Variants in SCHIP1 observed in about 807,000 individuals in gnomAD.
The protein encoded by SCHIP1 is schwannomin-interacting protein 1.
In SCHIP1, 8 loss-of-function variants were observed where a neutral mutation model predicts 29.7. The observed-to-expected ratio is 0.27, with a 90% CI of 0.16 to 0.49. SCHIP1 has a LOEUF of 0.49. Among genes scored for constraint, SCHIP1 ranks in the 20% least tolerant of loss-of-function variants. The probability of loss-of-function intolerance (pLI) is 0.99; values close to 1 mark genes in which losing one functional copy is unlikely to be tolerated. For synonymous variants in SCHIP1, 76 were observed against 94.9 expected (o/e 0.80, Z 1.16); for missense variants, 193 against 294.6 (o/e 0.66, Z 2.52).
At chr3:159,427,690 A>G in the SCHIP1 span, among the ~76,000 whole-genome samples, 2 of 151,650 alleles carry the variant, frequency 1.3e-5, no homozygotes, top group African/African-American at 4.8e-5. Flanking sequence ...ATTGGAAAAA[A>G]CTACTTTAAA....
intron 1 of SCHIP1, among the ~76,000 whole-genome samples, chr3:159,857,194 C>T (rs946546857): frequency 1.2e-4 from 18 of 152,188 alleles, no homozygotes; most frequent in African/African-American, 4.3e-4. Flanking sequence ...TGGCACACCT[C>T]GGTTAGCCAG....
At chr3:159,850,558 A>G (rs59953226) in intron 1 of SCHIP1, among the ~76,000 whole-genome samples, 78,623 of 145,652 alleles carry the variant, frequency 0.54, 22,754 homozygotes, top group East Asian at 0.78. Context: ...AAAAAAAAAA[A>G]AAAAAAAAGG....
At chr3:159,569,072 G>C in the SCHIP1 span, among the ~76,000 whole-genome samples, 3 of 151,994 alleles carry the variant, frequency 2.0e-5, no homozygotes, top group African/African-American at 7.2e-5. Flanking sequence ...CCAATGTATT[G>C]TTTTGCATTT....
the SCHIP1 span, among the ~76,000 whole-genome samples, chr3:159,410,452 T>A: frequency 1.3e-5 from 2 of 152,042 alleles, no homozygotes; most frequent in Admixed American, 1.3e-4. Flanking sequence ...AATAATCCAA[T>A]AAAAAATAGG....
At chr3:159,513,243 G>A in the SCHIP1 span, among the ~76,000 whole-genome samples, 4 of 152,122 alleles carry the variant, frequency 2.6e-5, no homozygotes, top group Non-Finnish European at 5.9e-5. Flanking sequence ...GATGTGGGGG[G>A]TACAAAGACA....
At chr3:159,673,665 A>G in the SCHIP1 span, among the ~76,000 whole-genome samples, 1 of 152,178 alleles carries the variant, frequency 6.6e-6, no homozygotes, top group Non-Finnish European at 1.5e-5. Context: ...GGAGGTCCCC[A>G]TTTATCTCTA....
the SCHIP1 span, among the ~76,000 whole-genome samples, chr3:159,446,304 T>C: frequency 6.6e-6 from 1 of 152,116 alleles, no homozygotes; most frequent in Non-Finnish European, 1.5e-5. Context: ...GGGTCATATG[T>C]CATAGTGTGC....
the SCHIP1 span, chr3:159,764,083 C>T: frequency 4.8e-6 from 1 of 208,366 alleles, no homozygotes; most frequent in Non-Finnish European, 9.5e-6. This position sits in a 1 kb window ranked among gnomAD's most constrained non-coding sequence, Gnocchi z 6.1. Context: ...GGGAAAGTGT[C>T]TGGTTCTCGG....
the SCHIP1 span, among the ~76,000 whole-genome samples, chr3:159,556,448 G>A: frequency 6.6e-6 from 1 of 151,970 alleles, no homozygotes; most frequent in East Asian, 1.9e-4. Context: ...AAATCATGCT[G>A]CTATAAAGAC....
At chr3:159,275,113 C>A in the SCHIP1 span, 11 of 952,022 alleles carry the variant, frequency 1.2e-5, no homozygotes, top group African/African-American at 1.8e-5. Flanking sequence ...ATAAAGGAGA[C>A]CTTAGTATAC....
chr3:159,808,012 C>T, the SCHIP1 span, among the ~76,000 whole-genome samples: 1 of 152,214 alleles, frequency 6.6e-6, no homozygotes, highest in Non-Finnish European at 1.5e-5. Context: ...TACCAAATGG[C>T]TCAGCCCTCA....
At chr3:159,798,707 G>A in the SCHIP1 span, among the ~76,000 whole-genome samples, 4 of 151,876 alleles carry the variant, frequency 2.6e-5, no homozygotes, top group Non-Finnish European at 4.4e-5. Flanking sequence ...GCAGTGAGCC[G>A]ATATCATGCC....
the SCHIP1 span, among the ~76,000 whole-genome samples, chr3:159,307,931 T>G: frequency 6.6e-6 from 1 of 152,174 alleles, no homozygotes; most frequent in African/African-American, 2.4e-5. Flanking sequence ...CACTGACCTG[T>G]GTGTCTGTTT....
chr3:159,893,732 G>C (rs1433804129), intron 6 of SCHIP1: 3 of 152,122 alleles, frequency 2.0e-5, no homozygotes, highest in African/African-American at 7.2e-5. Flanking sequence ...AAACCATGGA[G>C]TTAAAAGGAG....
At chr3:159,826,553 C>A in the SCHIP1 span, among the ~76,000 whole-genome samples, 13 of 152,106 alleles carry the variant, frequency 8.5e-5, no homozygotes, top group African/African-American at 2.7e-4. Flanking sequence ...GATATTTGGG[C>A]ATGGTAGATG....
the SCHIP1 span, among the ~76,000 whole-genome samples, chr3:159,392,713 T>G: frequency 2.6e-4 from 40 of 152,018 alleles, no homozygotes; most frequent in Admixed American, 2.2e-3. Flanking sequence ...AGTCTATCAT[T>G]GTTGGACATT....
At chr3:159,460,131 G>A in the SCHIP1 span, among the ~76,000 whole-genome samples, 1 of 152,152 alleles carries the variant, frequency 6.6e-6, no homozygotes, top group Non-Finnish European at 1.5e-5. Flanking sequence ...CACACTTTAC[G>A]ATTTCTCACT....
chr3:159,592,275 G>A, the SCHIP1 span, among the ~76,000 whole-genome samples: 3 of 151,992 alleles, frequency 2.0e-5, no homozygotes, highest in Admixed American at 2.0e-4. Flanking sequence ...TGCTGCCAAG[G>A]CTCTCCTTCC....
intron 1 of SCHIP1, chr3:159,853,072 C>T (rs921422413): frequency 7.7e-5 from 20 of 260,790 alleles, no homozygotes; most frequent in African/African-American, 1.8e-4. Flanking sequence ...GGAATTGGGG[C>T]GGGATCATTC....
Sources: gnomAD v4.1 joint callset for allele counts (sites outside exome capture counted in the v4.1 genomes callset) on GRCh38, gnomAD v4.1.1 for gene constraint, Gnocchi (gnomAD v3.1) non-coding constraint, MANE v1.5 for transcripts, NCBI Gene and HGNC (gene_info 2026-07-23, HGNC 2026-07-21) for gene names.